The following PCDH7 variants were observed in gnomAD, a reference collection of about 807,000 sequenced individuals.
The protein encoded by PCDH7 is protocadherin 7.
In PCDH7, 17 loss-of-function variants were observed where a neutral mutation model predicts 58.9. That is an observed-to-expected ratio of 0.29 (90% CI 0.20 to 0.43). PCDH7 has a LOEUF of 0.43. PCDH7 is among the 20% of genes least tolerant of loss of function. The pLI is 1.00. For synonymous variants in PCDH7, 664 were observed against 616.4 expected, an observed-to-expected ratio of 1.08 and a Z score of -1.14; for missense variants, 1,274 against 1,441.0, an observed-to-expected ratio of 0.88 and a Z score of 1.88.
At chr4:30,879,744 C>CTTCA (rs1295380102) in intron 1 of PCDH7, among the ~76,000 whole-genome samples, 2 of 152,064 alleles carry the variant, frequency 1.3e-5, no homozygotes, top group Admixed American at 6.6e-5. Context: ...TGACATCATA[C>CTTCA]TGAAGCTGGT....
Position 30,962,511 on chromosome 4 carries a change from G to A in PCDH7, c.*7+12296G>A, listed in dbSNP as rs564998731. On this transcript the variant is annotated intron_variant, in intron 3 of 3. Coordinates refer to the PCDH7 transcript ENST00000509759. ...AGTTAAAAGTGTAATTCTAGGATGG[G>A]CATGGTGGCTTGTGTTTATAATCCC... 2.0e-5 allele frequency among the ~76,000 whole-genome samples: 3 copies of A among 152,216 alleles called. No individual in the cohort carries two copies. The South Asian group carries it at 6.2e-4, about 32-fold the overall frequency.
intron 1 of PCDH7, among the ~76,000 whole-genome samples, chr4:30,752,836 TGGAAAATG>T (rs1718750592): frequency 6.7e-6 from 1 of 148,942 alleles, no homozygotes; most frequent in Non-Finnish European, 1.5e-5. Flanking sequence ...AAAAGAACTC[TGGAAAATG>T]GGACAGATTT....
At chr4:31,049,616 T>A (rs1756579800) in intron 3 of PCDH7, among the ~76,000 whole-genome samples, 1 of 152,062 alleles carries the variant, frequency 6.6e-6, no homozygotes, top group Admixed American at 6.6e-5. Flanking sequence ...GTTCATCAGA[T>A]TAGGTGTCCA....
rs911328124 is a variant in PCDH7 at position 30,941,172 on chromosome 4, A to G, written c.288-8948A>G. 3.3e-5 allele frequency among the ~76,000 whole-genome samples: 5 copies of G among 152,098 alleles called. No homozygotes were observed. The East Asian group carries it at 9.6e-4, about 29-fold the overall frequency. On this transcript the variant is annotated intron_variant, in intron 2 of 3. Coordinates refer to the PCDH7 transcript ENST00000509759. ...TCAAAGAACAACTTGTATTTTAAAA[A>G]TAAATTAAAATACATTAACTAAGAA...
At chr4:31,124,168 C>T (rs965423923) in intron 3 of PCDH7, among the ~76,000 whole-genome samples, 3 of 152,136 alleles carry the variant, frequency 2.0e-5, no homozygotes, top group Non-Finnish European at 4.4e-5. Context: ...GAGCCCTCAC[C>T]AGGGACCTTG....
chr4:30,905,522 T>G (rs1238465939), intron 1 of PCDH7, among the ~76,000 whole-genome samples: 1 of 152,112 alleles, frequency 6.6e-6, no homozygotes, highest in African/African-American at 2.4e-5. Flanking sequence ...CTGTGAATGC[T>G]TTTGTACGAT....
intron 3 of PCDH7, among the ~76,000 whole-genome samples, chr4:31,115,013 G>A (rs865832953): frequency 3.9e-5 from 6 of 152,080 alleles, no homozygotes; most frequent in Non-Finnish European, 7.4e-5. Context: ...AGAACAGTGC[G>A]GGTTTTCATT....
At chr4:30,809,983 G>C (rs925729280) in intron 1 of PCDH7, among the ~76,000 whole-genome samples, 2 of 152,102 alleles carry the variant, frequency 1.3e-5, no homozygotes, top group Non-Finnish European at 2.9e-5. Context: ...TCAATGTGCA[G>C]CTAACTCAGT....
At chr4:30,727,890 G>C (rs976859629) in intron 1 of PCDH7, among the ~76,000 whole-genome samples, 2 of 151,772 alleles carry the variant, frequency 1.3e-5, no homozygotes, top group Non-Finnish European at 3.0e-5. Context: ...GAATTCTATT[G>C]AGCTTATCCT....
intron 3 of PCDH7, among the ~76,000 whole-genome samples, chr4:30,956,191 G>A (rs996912003): frequency 6.6e-6 from 1 of 151,244 alleles, no homozygotes; most frequent in African/African-American, 2.4e-5. Context: ...TCCAGCCTGG[G>A]CACTCCAGCC....
intron 1 of PCDH7, among the ~76,000 whole-genome samples, chr4:30,850,777 C>A (rs577052324): frequency 6.6e-6 from 1 of 152,188 alleles, no homozygotes; most frequent in African/African-American, 2.4e-5. Context: ...TCCTAGTCCC[C>A]AGACCTTGCG....
rs143393059 is a variant in PCDH7 at position 31,133,306 on chromosome 4, G to A, written c.*8-9167G>A. ...TGGGTACATATTTGCATTTATGTGA[G>A]GAGACAGTACTTTTAGTTTTCAACA... is the stretch of plus-strand genomic sequence containing the variant. On this transcript the variant is annotated intron_variant, in intron 3 of 3. Transcript: ENST00000509759. 2.0e-4 allele frequency among the ~76,000 whole-genome samples: 30 copies of A among 152,274 alleles called. No individual in the cohort carries two copies. In the East Asian group the frequency reaches 5.4e-3, roughly 27 times the overall value.
intron 1 of PCDH7, among the ~76,000 whole-genome samples, chr4:30,803,119 A>T (rs888474994): frequency 2.9e-4 from 44 of 152,164 alleles, no homozygotes; most frequent in African/African-American, 1.0e-3. Flanking sequence ...GAAGCCATGG[A>T]GGTCATTAGC....
At chr4:31,083,392 T>A (rs28452425) in intron 3 of PCDH7, among the ~76,000 whole-genome samples, 64,908 of 152,008 alleles carry the variant, frequency 0.43, 15,055 homozygotes, top group East Asian at 0.78. Flanking sequence ...CTATAATTAT[T>A]ACCAATTTTA....
intron 3 of PCDH7, among the ~76,000 whole-genome samples, chr4:30,956,209 C>T (rs149212533): frequency 0.013 from 1,967 of 149,482 alleles, 47 homozygotes; most frequent in African/African-American, 0.046. Context: ...GCCTGGGCAA[C>T]AGAGTGAGAC....
intron 1 of PCDH7, among the ~76,000 whole-genome samples, chr4:30,893,890 G>A (rs1738932906): frequency 6.6e-6 from 1 of 152,008 alleles, no homozygotes; most frequent in Admixed American, 6.6e-5. Flanking sequence ...AATGTCTAGG[G>A]AGCAGTGAAT....
At chr4:31,048,943 T>C (rs954081904) in intron 3 of PCDH7, among the ~76,000 whole-genome samples, 1 of 152,124 alleles carries the variant, frequency 6.6e-6, no homozygotes, top group African/African-American at 2.4e-5. Flanking sequence ...TATGATGATA[T>C]GTATAATTCA....
intron 1 of PCDH7, among the ~76,000 whole-genome samples, chr4:30,780,311 G>C (rs1489728286): frequency 6.6e-6 from 1 of 151,986 alleles, no homozygotes; most frequent in East Asian, 1.9e-4. Flanking sequence ...TTCAAGACCA[G>C]CCTGGTCAAC....
chr4:30,955,191 G>A lies in PCDH7; in HGVS notation c.*7+4976G>A, dbSNP rs115975493. Among the ~76,000 whole-genome samples, 1,413 of 152,074 alleles carry A rather than the reference G, an allele frequency of 9.3e-3. 15 individuals carry two copies. The highest frequency in any genetic ancestry group is 0.029 in the African/African-American group (1,224 of 41,496). On this transcript the variant is annotated intron_variant, in intron 3 of 3. Coordinates refer to the PCDH7 transcript ENST00000509759. ...GTGTGAATCCAGGAAATTGTTTGGT[G>A]CTCTTAAGGAAGACAGGTTGAGGAG...
Sources: allele counts gnomAD v4.1 joint callset (sites outside exome capture counted in the v4.1 genomes callset), GRCh38; gene constraint gnomAD v4.1.1; transcripts MANE v1.5; gene names NCBI Gene and HGNC (gene_info 2026-07-23, HGNC 2026-07-21).